Variants in LONP1 observed in about 807,000 individuals in gnomAD.
LONP1 encodes lon protease homolog, mitochondrial.
LONP1 carries 31 observed loss-of-function variants against 98.5 expected under a neutral mutation model. The observed-to-expected ratio is 0.31, with a 90% CI of 0.24 to 0.42. The LOEUF (loss-of-function observed/expected upper bound fraction) is 0.42, where lower values mean the gene tolerates loss of function less well. Ranked by LOEUF, LONP1 falls within the 20% of genes least tolerant of loss-of-function variation. LONP1 has a pLI of 1.00. For missense variants in LONP1, 1,336 were observed against 1,350.6 expected, an observed-to-expected ratio of 0.99 and a Z score of 0.17; for synonymous variants, 781 against 594.7, an observed-to-expected ratio of 1.31 and a Z score of -4.56.
At chr19:5,712,834 G>T (rs143690408) in intron 3 of LONP1, among the ~76,000 whole-genome samples, 1 of 152,060 alleles carries the variant, frequency 6.6e-6, no homozygotes, top group Non-Finnish European at 1.5e-5. Flanking sequence ...ATCTCGCTAC[G>T]TTGCCCAGGC....
At chr19:5,716,294 A>ATATATATATATATATG (rs2055321808) in intron 1 of LONP1, among the ~76,000 whole-genome samples, 1 of 113,934 alleles carries the variant, frequency 8.8e-6, no homozygotes, top group Non-Finnish European at 1.8e-5. Flanking sequence ...ATATATATAT[A>ATATATATATATATATG]TATATAGTAA....
At chr19:5,716,107 C>T (rs1042960418) in intron 1 of LONP1, among the ~76,000 whole-genome samples, 1 of 151,294 alleles carries the variant, frequency 6.6e-6, no homozygotes, top group African/African-American at 2.4e-5. Flanking sequence ...AATGGTAGCT[C>T]ATGCCTGTAA....
intron 9 of LONP1, among the ~76,000 whole-genome samples, chr19:5,699,987 T>G (rs2055012073): frequency 6.6e-6 from 1 of 152,180 alleles, no homozygotes. Context: ...TCACCCAGGC[T>G]GGAGTGTAGT....
chr19:5,716,555 A>T (rs989696402), intron 1 of LONP1, among the ~76,000 whole-genome samples: 1 of 142,878 alleles, frequency 7.0e-6, no homozygotes, highest in South Asian at 2.2e-4. Context: ...TAGATACATA[A>T]TTTTTTTTTT....
rs768912945 is a variant in LONP1 at position 5,720,046 on chromosome 19, C to G, written c.87G>C (p.Gly29=). The change falls in exon 1 of 18, where the codon GGG becomes GGC. Residue 29 remains glycine (G), a synonymous_variant. Coordinates refer to ENST00000360614, the MANE Select transcript of LONP1 (RefSeq NM_004793.4). The stretch of plus-strand genomic sequence containing the variant: ...ACGCTCCTGCTGCAGTGGGAACCCG[C>G]CCCCCGGCGGCGGCCAGCATCGGCC... The part of the protein sequence containing the change: ...LRRPMLAAAG[G]RVPTAAGAWL... 1.3e-6 allele frequency: 2 copies of G among 1,541,310 alleles called. No homozygotes were observed. The highest frequency in any genetic ancestry group is 1.2e-5 in the South Asian group (1 of 83,598).
chr19:5,695,605 T>C (rs2054911368), intron 13 of LONP1, among the ~76,000 whole-genome samples: 1 of 151,858 alleles, frequency 6.6e-6, no homozygotes, highest in African/African-American at 2.4e-5. Context: ...AGGGGAGAAA[T>C]GCACTCAGCA....
intron 13 of LONP1, among the ~76,000 whole-genome samples, 156 bp downstream of exon 13, chr19:5,695,898 G>A (rs757045877): frequency 5.3e-5 from 8 of 151,880 alleles, no homozygotes; most frequent in South Asian, 2.1e-4. Context: ...GCTCGCAAGC[G>A]TCTGGTGTGT....
In LONP1 at chr19:5,719,926, C is replaced by G; in HGVS notation, c.207G>C (p.Trp69Cys). 2 of 1,553,242 alleles carry G rather than the reference C, an allele frequency of 1.3e-6. No homozygotes were observed. The highest frequency in any genetic ancestry group is 1.7e-6 in the Non-Finnish European group (2 of 1,150,024). ...PAIGGQWRGF[W>C]EASSRGGGAF... ...CGCCTCCGCCGCGGCTGCTCGCTTC[C>G]CAAAACCCCCGCCATTGGCCCCCAA... Residue 69 changes from tryptophan (W) to cysteine (C), a missense_variant, in exon 1 of 18, where the codon TGG (tryptophan) becomes TGC (cysteine). Trp to Cys is a radical substitution (Grantham distance 215). Around this residue, in one of 5 missense-constraint regions of LONP1, gnomAD observed 457 missense variants for 403.1 expected, o/e 1.13. Coordinates refer to ENST00000360614, the MANE Select transcript of LONP1 (RefSeq NM_004793.4).
rs144817438 is a variant in LONP1 at position 5,696,785 on chromosome 19, C to A, written c.1686-28G>T. The A allele has an allele frequency of 3.9e-3, 6,017 of 1,536,508 alleles. 11 individuals carry two copies. Among genetic ancestry groups the A allele is most frequent in the Non-Finnish European group, 4.7e-3 (5,229 of 1,112,674 alleles). On this transcript the variant is annotated intron_variant, in intron 10 of 17. Coordinates refer to ENST00000360614, the MANE Select transcript of LONP1 (RefSeq NM_004793.4). ...GTGGGTGCACAGCGGGGTCAGAGGT[C>A]ACTTGGTAGCCTGGCTCGGCCACAA...
chr19:5,703,285 A>AGAC (rs1449770693), intron 8 of LONP1, among the ~76,000 whole-genome samples: 8 of 152,314 alleles, frequency 5.3e-5, no homozygotes, highest in South Asian at 2.1e-4. Flanking sequence ...AGGAGAGCCA[A>AGAC]GACGGCACTG....
At position 5,713,104 on chromosome 19, in the gene LONP1, A is replaced by T. The variant is rs763195124; in HGVS notation, c.638+30T>A. The T allele has an allele frequency of 3.1e-6, 5 of 1,607,502 alleles. No homozygotes were observed. The Admixed American group carries it at 8.4e-5, about 27-fold the overall frequency. On this transcript the variant is annotated intron_variant, in intron 3 of 17. Coordinates refer to ENST00000360614, the MANE Select transcript of LONP1 (RefSeq NM_004793.4). ...GTCTCCCGCGTGGTACTCTGCCCCC[A>T]CCTCCCACTGTCCCCCGCCAGCCAC...
At chr19:5,700,334 A>G (rs1172769874) in intron 9 of LONP1, among the ~76,000 whole-genome samples, 2 of 152,116 alleles carry the variant, frequency 1.3e-5, no homozygotes, top group African/African-American at 4.8e-5. Flanking sequence ...GCTGGTCTTC[A>G]ACTCCCGACC....
At chr19:5,708,033 A>G in intron 5 of LONP1, 1 of 631,788 alleles carries the variant, frequency 1.6e-6, no homozygotes, top group Admixed American at 3.0e-5. Flanking sequence ...CAGCATCCTC[A>G]CGTGCAGCCA....
intron 8 of LONP1, among the ~76,000 whole-genome samples, chr19:5,704,698 C>A (rs913108560): frequency 5.9e-5 from 9 of 152,350 alleles, no homozygotes; most frequent in Middle Eastern, 3.4e-3. Flanking sequence ...CTGAGGCCCT[C>A]AAACCTGGGG....
intron 10 of LONP1, 86 bp from the exon 11 acceptor site, chr19:5,696,843 G>C: frequency 1.2e-6 from 1 of 837,010 alleles, no homozygotes; most frequent in East Asian, 2.6e-5. Context: ...CCACAGGGGA[G>C]AGGCCACCTG....
At chr19:5,708,090 TC>T in intron 5 of LONP1, 1 of 605,694 alleles carries the variant, frequency 1.7e-6, no homozygotes, top group Non-Finnish European at 2.9e-6. Context: ...TGCTCCCCAC[TC>T]CCCCAGCCAA....
At position 5,720,113 on chromosome 19, in the gene LONP1, T is replaced by C; in HGVS notation, c.20A>G (p.Tyr7Cys). 4.2e-6 allele frequency: 6 copies of C among 1,444,508 alleles called. No individual in the cohort carries two copies. The highest frequency in any genetic ancestry group is 5.4e-6 in the Non-Finnish European group (6 of 1,107,484). The allele number at this position is 1,444,508 out of a possible 1,614,324, so 89.5% of individuals were successfully genotyped here. A position where few individuals can be genotyped will look rare whatever the true frequency, so the allele number is the denominator to read the frequency against. MAASTG[Y>C]VRLWGAARCW... is the part of the protein sequence containing the mutation. ...CCGCGCCGCTCCCCACAGTCGCACG[T>C]AGCCAGTGCTCGCCGCCATAGCCCG... is the stretch of plus-strand genomic sequence containing the variant. Residue 7 changes from tyrosine (Y) to cysteine (C), a missense_variant, in exon 1 of 18, where the codon TAC (tyrosine) becomes TGC (cysteine). Coordinates refer to ENST00000360614, the MANE Select transcript of LONP1 (RefSeq NM_004793.4).
In LONP1 at chr19:5,709,081, C is replaced by G. The variant is rs539554325; in HGVS notation, c.871-678G>C. 2.7e-5 allele frequency: 4 copies of G among 150,830 alleles called. No individual in the cohort carries two copies. The East Asian group carries it at 7.9e-4, about 30-fold the overall frequency. 9.3% of individuals were successfully genotyped at this position (150,830 alleles called of 1,614,324 possible). On this transcript the variant is annotated intron_variant, in intron 4 of 17. Coordinates refer to ENST00000360614, the MANE Select transcript of LONP1 (RefSeq NM_004793.4). The stretch of plus-strand genomic sequence containing the variant: ...CCAGGCTGGCGTGCAGGGCTGCAAT[C>G]ATGACTCACTGCAGCCTTGAATTCT...
intron 10 of LONP1, among the ~76,000 whole-genome samples, chr19:5,697,304 G>A (rs2054951302): frequency 6.6e-6 from 1 of 151,928 alleles, no homozygotes. Flanking sequence ...ACTGGGATGT[G>A]TGTGACACTT....
Sources: allele counts gnomAD v4.1 joint callset (sites outside exome capture counted in the v4.1 genomes callset), GRCh38; gene constraint gnomAD v4.1.1; regional missense constraint gnomAD v4.1.1; transcripts MANE v1.5; gene names NCBI Gene and HGNC (gene_info 2026-07-23, HGNC 2026-07-21).